The following PDE11A variants were observed in gnomAD, a reference collection of about 807,000 sequenced individuals.
PDE11A encodes phosphodiesterase 11A.
Under a neutral mutation model 100.5 loss-of-function variants are expected in PDE11A, and 100 were observed. That is an observed-to-expected ratio of 1.00 (90% CI 0.85 to 1.18). PDE11A has a LOEUF of 1.18. PDE11A is among the 50% of genes most tolerant of loss of function. PDE11A has a pLI of 0.00. For missense variants in PDE11A, 1,141 were observed against 1,152.6 expected, an observed-to-expected ratio of 0.99 and a Z score of 0.15; for synonymous variants, 381 against 420.8, an observed-to-expected ratio of 0.91 and a Z score of 1.16.
At chr2:178,099,386 C>T (rs1487678432) in intron 2 of PDE11A, among the ~76,000 whole-genome samples, 1 of 145,994 alleles carries the variant, frequency 6.8e-6, no homozygotes, top group Non-Finnish European at 1.5e-5. Flanking sequence ...AGCAGTGAGC[C>T]GAGATCACAA....
At chr2:178,073,039 A>G, upstream of PDE11A, 1 of 984,756 alleles carries the variant, frequency 1.0e-6, no homozygotes. Flanking sequence ...TACCTCCCCA[A>G]CCCTCCCTAC....
chr2:177,629,066 A>G lies in PDE11A; in HGVS notation c.*341T>C. 2.8e-6 allele frequency: 1 copy of G among 361,086 alleles called. No individual in the cohort carries two copies. The highest frequency in any genetic ancestry group is 5.3e-6 in the Non-Finnish European group (1 of 189,944). The allele number at this position is 361,086 out of a possible 1,614,324, so 22.4% of individuals were successfully genotyped here. A position where few individuals can be genotyped will look rare whatever the true frequency, so the allele number is the denominator to read the frequency against. On this transcript the variant is annotated 3_prime_UTR_variant, in exon 20 of 20. Transcript: ENST00000286063. ...ACGAAGCAGCGCTAATGACGCTTTTACTGTTCAGTGTTCCCTCAGCTCAGA... is the reference window on the plus strand; with the variant it reads ...ACGAAGCAGCGCTAATGACGCTTTTGCTGTTCAGTGTTCCCTCAGCTCAGA...
Position 177,883,038 on chromosome 2 carries a change from G to T in PDE11A, c.1303-7115C>A, listed in dbSNP as rs544328962. The stretch of plus-strand genomic sequence containing the variant: ...TAATGCCAGCACTTTGGGAAGTCAA[G>T]GTGGGTAGATAACTGAGATCAGGAG... On this transcript the variant is annotated intron_variant, in intron 4 of 19. Transcript: ENST00000286063. Among the ~76,000 whole-genome samples the T allele has an allele frequency of 4.6e-5, 7 of 152,184 alleles. No homozygotes were observed. The South Asian group carries it at 1.5e-3, about 32-fold the overall frequency.
At chr2:177,743,987 G>A (rs2081911968) in intron 10 of PDE11A, among the ~76,000 whole-genome samples, 1 of 152,132 alleles carries the variant, frequency 6.6e-6, no homozygotes, top group Non-Finnish European at 1.5e-5. Flanking sequence ...CTACCACCTG[G>A]GGTCCACCTG....
intron 4 of PDE11A, among the ~76,000 whole-genome samples, chr2:177,895,949 A>C (rs2084605894): frequency 6.6e-6 from 1 of 152,232 alleles, no homozygotes; most frequent in South Asian, 2.1e-4. Context: ...GAAAATTAGA[A>C]TTTAAAAAAT....
chr2:178,014,542 A>G, intron 1 of PDE11A, 82 bp from the exon 2 acceptor site: 1 of 1,060,520 alleles, frequency 9.4e-7, no homozygotes, highest in East Asian at 2.5e-5. Context: ...TCTGCATATG[A>G]TACCTTATCA....
intron 2 of PDE11A, among the ~76,000 whole-genome samples, chr2:178,002,389 G>A (rs1369676417): frequency 2.0e-5 from 3 of 152,126 alleles, no homozygotes; most frequent in Non-Finnish European, 4.4e-5. Context: ...AAGTACATGT[G>A]TCTTTTTGGT....
At chr2:177,980,291 A>G (rs1032636651) in intron 2 of PDE11A, among the ~76,000 whole-genome samples, 6 of 150,888 alleles carry the variant, frequency 4.0e-5, no homozygotes, top group Non-Finnish European at 8.9e-5. Context: ...ATATCCTATG[A>G]CTAATGTCCA....
chr2:177,776,548 C>A (rs974232186), intron 9 of PDE11A, among the ~76,000 whole-genome samples: 1 of 151,078 alleles, frequency 6.6e-6, no homozygotes, highest in African/African-American at 2.4e-5. Context: ...CCAATCCCCA[C>A]CAATTCATTT....
chr2:178,070,737 G>T (rs2087115505), intron 1 of PDE11A, among the ~76,000 whole-genome samples: 1 of 152,132 alleles, frequency 6.6e-6, no homozygotes. Flanking sequence ...AAACTAACAT[G>T]TTTACCCTGC....
chr2:177,819,912 GGCTTTTTTTT>G (rs2083109374), intron 7 of PDE11A, among the ~76,000 whole-genome samples: 1 of 98,644 alleles, frequency 1.0e-5, no homozygotes, highest in Non-Finnish European at 2.0e-5. Context: ...GTCTCTCTCT[GGCTTTTTTTT>G]TCACTCTCTG....
chr2:177,789,359 CAATAA>C (rs1273622499), intron 9 of PDE11A, among the ~76,000 whole-genome samples: 2 of 152,130 alleles, frequency 1.3e-5, no homozygotes, highest in African/African-American at 4.8e-5. Context: ...TAAAAACTCT[CAATAA>C]ATTAGGTATT....
intron 1 of PDE11A, among the ~76,000 whole-genome samples, chr2:178,019,498 A>G (rs2105831636): frequency 6.6e-6 from 1 of 152,308 alleles, no homozygotes; most frequent in South Asian, 2.1e-4. Context: ...ATAAAATGCT[A>G]TATAATAAAA....
At chr2:177,936,534 G>A (rs1483566288) in intron 2 of PDE11A, among the ~76,000 whole-genome samples, 3 of 152,194 alleles carry the variant, frequency 2.0e-5, no homozygotes, top group Admixed American at 2.0e-4. Flanking sequence ...GGTCTCTAAA[G>A]ATTTCCCATC....
chr2:177,952,104 T>C (rs1310066025), intron 2 of PDE11A, among the ~76,000 whole-genome samples: 1 of 152,196 alleles, frequency 6.6e-6, no homozygotes, highest in Non-Finnish European at 1.5e-5. Context: ...TTATAGTTTG[T>C]TCCCACCATA....
At chr2:177,973,280 G>T (rs12994303) in intron 2 of PDE11A, among the ~76,000 whole-genome samples, 3 of 125,920 alleles carry the variant, frequency 2.4e-5, no homozygotes, top group African/African-American at 6.3e-5. Context: ...CCTGGGAAGC[G>T]CAAGGGGTCA....
chr2:177,903,101 T>C (rs1182184473), intron 3 of PDE11A, among the ~76,000 whole-genome samples: 3 of 152,106 alleles, frequency 2.0e-5, no homozygotes, highest in Non-Finnish European at 4.4e-5. Context: ...CACGTCCTCA[T>C]TTTATTTTTT....
rs1365950504 is a variant in PDE11A, at chr2:178,072,010, G to C, written c.428C>G (p.Ser143Cys). The C allele has an allele frequency of 1.2e-6, 2 of 1,614,096 alleles. No homozygotes were observed. The highest frequency in any genetic ancestry group is 1.7e-5 in the Admixed American group (1 of 60,018). The change falls in exon 1 of 20, where the codon TCC (serine) becomes TGC (cysteine). Residue 143 changes from serine (S) to cysteine (C), a missense_variant. By Grantham distance (112) the Ser-to-Cys change is moderately radical. Coordinates refer to ENST00000286063, the MANE Select transcript of PDE11A (RefSeq NM_016953.4). ...VNRTYDEQVT[S>C]RAQEPLSSVR... is the part of the protein sequence containing the mutation. ...ACTACTCAGGGGTTCCTGAGCCCGG[G>C]AGGTCACCTGTTCATCGTAGGTCCT...
chr2:177,676,296 A>T (rs1047187936), intron 16 of PDE11A, among the ~76,000 whole-genome samples: 2 of 152,168 alleles, frequency 1.3e-5, no homozygotes, highest in South Asian at 2.1e-4. Flanking sequence ...AATAAGGCAC[A>T]CTCTGTCCCA....
Sources: gnomAD v4.1 joint callset for allele counts (sites outside exome capture counted in the v4.1 genomes callset) on GRCh38, gnomAD v4.1.1 for gene constraint, MANE v1.5 for transcripts, NCBI Gene and HGNC (gene_info 2026-07-23, HGNC 2026-07-21) for gene names.